Variants in GABRB1 observed in about 807,000 individuals in gnomAD.
GABRB1 encodes gamma-aminobutyric acid receptor subunit beta-1.
GABRB1 carries 17 observed loss-of-function variants against 51.6 expected under a neutral mutation model. That is an observed-to-expected ratio of 0.33 (90% CI 0.23 to 0.49). The LOEUF is 0.49. GABRB1 is among the 20% of genes least tolerant of loss of function. The probability of loss-of-function intolerance (pLI) is 0.99; values close to 1 mark genes in which losing one functional copy is unlikely to be tolerated. For synonymous variants in GABRB1, 247 were observed against 218.9 expected (o/e 1.13, Z -1.14); for missense variants, 410 against 600.6 (o/e 0.68, Z 3.32).
intron 3 of GABRB1, among the ~76,000 whole-genome samples, chr4:47,123,684 TATATGATATATTATATATATA>T (rs1467262977): frequency 3.2e-5 from 2 of 63,444 alleles, no homozygotes; most frequent in African/African-American, 6.5e-5. Flanking sequence ...ATATATCATA[TATATGATATATTATATATATA>T]ATATGATATA....
chr4:47,062,728 C>A, intron 3 of GABRB1, among the ~76,000 whole-genome samples: 1 of 152,086 alleles, frequency 6.6e-6, no homozygotes, highest in East Asian at 1.9e-4. Context: ...ATAAACAAGG[C>A]GTCCTTAAGC....
chr4:47,232,565 A>G (rs1721179875), intron 4 of GABRB1, among the ~76,000 whole-genome samples: 1 of 152,196 alleles, frequency 6.6e-6, no homozygotes, highest in Non-Finnish European at 1.5e-5. Flanking sequence ...AAACTTGATT[A>G]CAGTATCTCC....
intron 4 of GABRB1, among the ~76,000 whole-genome samples, chr4:47,201,776 G>A (rs10025913): frequency 0.86 from 130,954 of 152,200 alleles, 56,353 homozygotes; most frequent in Middle Eastern, 0.92. Flanking sequence ...ATCATAGATC[G>A]AAGAGGAAAA....
At chr4:47,274,571 C>A (rs376244499) in intron 4 of GABRB1, among the ~76,000 whole-genome samples, 1 of 152,138 alleles carries the variant, frequency 6.6e-6, no homozygotes, top group Non-Finnish European at 1.5e-5. Flanking sequence ...CTTCTCTCCC[C>A]ACTTGCACAC....
chr4:47,217,628 CTCTT>C (rs921643610), intron 4 of GABRB1, among the ~76,000 whole-genome samples: 3 of 151,656 alleles, frequency 2.0e-5, no homozygotes, highest in Non-Finnish European at 3.0e-5. Flanking sequence ...CTCTCATACT[CTCTT>C]TATTTCCCTC....
At chr4:47,363,247 T>C (rs767838819) in intron 5 of GABRB1, among the ~76,000 whole-genome samples, 2 of 152,178 alleles carry the variant, frequency 1.3e-5, no homozygotes, top group African/African-American at 2.4e-5. Flanking sequence ...AAGTAACTTG[T>C]CCATAGTGAC....
At chr4:47,411,602 A>G (rs1239491277) in intron 8 of GABRB1, among the ~76,000 whole-genome samples, 3 of 152,218 alleles carry the variant, frequency 2.0e-5, no homozygotes, top group Non-Finnish European at 4.4e-5. Context: ...TGCTTGTTAC[A>G]TGAATCTACA....
At chr4:47,272,028 C>A (rs1189876759) in intron 4 of GABRB1, among the ~76,000 whole-genome samples, 1 of 152,094 alleles carries the variant, frequency 6.6e-6, no homozygotes, top group Non-Finnish European at 1.5e-5. Flanking sequence ...GAGAATTAAT[C>A]CAAACGACTC....
intron 4 of GABRB1, among the ~76,000 whole-genome samples, chr4:47,195,452 TAGATTAGATGATAGATA>T (rs1560580387): frequency 1.1e-3 from 111 of 96,632 alleles, no homozygotes; most frequent in East Asian, 7.9e-3. Flanking sequence ...AGATGATAGA[TAGATTAGATGATAGATA>T]GATAGATAGA....
At position 47,406,831 on chromosome 4, in the gene GABRB1, T is replaced by C. The variant is rs1430269006; in HGVS notation, c.985T>C (p.Tyr329His). 5.0e-6 allele frequency: 8 copies of C among 1,614,108 alleles called. No homozygotes were observed. Among genetic ancestry groups the C allele is most frequent in the Non-Finnish European group, 6.8e-6 (8 of 1,180,008 alleles). The change falls in exon 8 of 9, where the codon TAC becomes CAC. Residue 329 changes from tyrosine to histidine, a missense_variant. Tyr to His is a moderately conservative substitution (Grantham distance 83). This residue lies in a region of GABRB1 where 181 missense variants were observed against 195.6 expected (regional missense o/e 0.93). Coordinates refer to ENST00000295454, the MANE Select transcript of GABRB1 (RefSeq NM_000812.4). The part of the protein sequence containing the change: ...LALLEYAFVN[Y>H]IFFGKGPQKK... ...TCTGCTGGAGTATGCCTTTGTAAAT[T>C]ACATCTTCTTTGGGAAAGGCCCTCA...
intron 4 of GABRB1, among the ~76,000 whole-genome samples, chr4:47,185,749 T>G (rs1263475087): frequency 6.6e-6 from 1 of 151,902 alleles, no homozygotes; most frequent in Non-Finnish European, 1.5e-5. Flanking sequence ...TGTAATTGTA[T>G]GTAAAGCATC....
intron 4 of GABRB1, among the ~76,000 whole-genome samples, chr4:47,185,452 A>C (rs2109775843): frequency 6.6e-6 from 1 of 151,994 alleles, no homozygotes; most frequent in South Asian, 2.1e-4. Flanking sequence ...CTAACATGAA[A>C]TCAGTCACAT....
At chr4:47,402,971 A>T (rs1728447951) in intron 5 of GABRB1, among the ~76,000 whole-genome samples, 1 of 152,240 alleles carries the variant, frequency 6.6e-6, no homozygotes, top group Admixed American at 6.5e-5. Context: ...GTTGTTAAGT[A>T]GCACATAGCC....
chr4:47,117,600 A>T (rs1007729735), intron 3 of GABRB1, among the ~76,000 whole-genome samples: 1 of 152,242 alleles, frequency 6.6e-6, no homozygotes, highest in Non-Finnish European at 1.5e-5. Flanking sequence ...CACTTAATAG[A>T]ACTAACACTT....
intron 4 of GABRB1, among the ~76,000 whole-genome samples, chr4:47,256,769 G>A (rs1185890062): frequency 1.3e-5 from 2 of 152,050 alleles, no homozygotes; most frequent in African/African-American, 2.4e-5. Context: ...AACAGCAAGA[G>A]GGAAGTCCAT....
chr4:47,001,050 A>C lies in GABRB1; in HGVS notation c.-20+7124A>C, dbSNP rs558224295. Among the ~76,000 whole-genome samples, 11 of 152,362 alleles carry C rather than the reference A, an allele frequency of 7.2e-5. No individual in the cohort carries two copies. The South Asian group carries it at 2.3e-3, about 32-fold the overall frequency. On this transcript the variant is annotated intron_variant, in intron 1 of 3. Coordinates refer to the GABRB1 transcript ENST00000513567. Reference sequence around the variant, plus strand: ...ACAAATTGAATAGCATTTTATAAGAATGGTGTGATGGTTAACTTTGTGTTA... The same window carrying C: ...ACAAATTGAATAGCATTTTATAAGACTGGTGTGATGGTTAACTTTGTGTTA...
At chr4:47,413,100 T>C (rs1364488894) in intron 8 of GABRB1, among the ~76,000 whole-genome samples, 1 of 152,228 alleles carries the variant, frequency 6.6e-6, no homozygotes, top group Non-Finnish European at 1.5e-5. Context: ...CCGTGAAAGC[T>C]TCCAACTTGC....
At chr4:47,382,343 A>C (rs534477428) in intron 5 of GABRB1, among the ~76,000 whole-genome samples, 4 of 152,198 alleles carry the variant, frequency 2.6e-5, no homozygotes, top group South Asian at 2.1e-4. Flanking sequence ...CACAACCAAA[A>C]ATAGACATTG....
At chr4:47,034,057 T>G (rs1348921267) in intron 3 of GABRB1, among the ~76,000 whole-genome samples, 2 of 152,296 alleles carry the variant, frequency 1.3e-5, no homozygotes, top group Admixed American at 6.5e-5. Flanking sequence ...AGTTGTATCA[T>G]GTAGATTAAT....
Sources: gnomAD v4.1 joint callset for allele counts (sites outside exome capture counted in the v4.1 genomes callset) on GRCh38, gnomAD v4.1.1 for gene constraint, gnomAD v4.1.1 regional missense constraint, MANE v1.5 for transcripts, NCBI Gene and HGNC (gene_info 2026-07-23, HGNC 2026-07-21) for gene names.